DLEC1: variants seen among roughly 807,000 people sequenced by gnomAD.
DLEC1 encodes the protein DLEC1 cilia and flagella associated protein.
Under a neutral mutation model 198.1 loss-of-function variants are expected in DLEC1, and 146 were observed. The observed-to-expected ratio is 0.74, with a 90% CI of 0.64 to 0.85. The LOEUF is 0.85. DLEC1 is among the 40% of genes least tolerant of loss of function. DLEC1 has a pLI of 0.00. For missense variants in DLEC1, 2,233 were observed against 2,220.0 expected, an observed-to-expected ratio of 1.01 and a Z score of -0.12; for synonymous variants, 897 against 866.8, an observed-to-expected ratio of 1.03 and a Z score of -0.61.
In DLEC1 at chr3:38,096,722, G is replaced by A. The variant is rs764978132; in HGVS notation, c.2325G>A (p.Val775=). 1 of 1,609,682 alleles carries A rather than the reference G, an allele frequency of 6.2e-7. No homozygotes were observed. ...GGGAGAACTACATTGGGATAAATGT[G>A]AAGAAGGCTTTTAAGGTAGGTCATT... is the stretch of plus-strand genomic sequence containing the variant. ...IPGENYIGIN[V]KKAFKMWNNS... The change falls in exon 15 of 37, where the codon GTG becomes GTA. Residue 775 remains valine (V), a synonymous_variant. Transcript: ENST00000308059.
intron 15 of DLEC1, among the ~76,000 whole-genome samples, chr3:38,096,947 AAGTT>A (rs1175436841): frequency 6.6e-6 from 1 of 152,124 alleles, no homozygotes; most frequent in African/African-American, 2.4e-5. Flanking sequence ...AATCCTCTGA[AAGTT>A]AGGGCTATGG....
At chr3:38,091,194 G>C (rs2125686678) in intron 10 of DLEC1, among the ~76,000 whole-genome samples, 1 of 152,268 alleles carries the variant, frequency 6.6e-6, no homozygotes, top group African/African-American at 2.4e-5. Flanking sequence ...AGTGAAAATA[G>C]GGGCCAGGTG....
intron 2 of DLEC1, among the ~76,000 whole-genome samples, chr3:38,053,501 C>T (rs1476413951): frequency 6.7e-6 from 1 of 149,720 alleles, no homozygotes; most frequent in East Asian, 2.0e-4. Flanking sequence ...AAGTGAGGAG[C>T]CCCTCCGCCC....
intron 18 of DLEC1, among the ~76,000 whole-genome samples, chr3:38,100,021 G>A (rs921647613): frequency 2.6e-5 from 4 of 152,116 alleles, no homozygotes; most frequent in South Asian, 2.1e-4. Flanking sequence ...ACCTCCCTCC[G>A]CCTTCTATCT....
At chr3:38,069,561 T>C (rs1287504349) in intron 6 of DLEC1, among the ~76,000 whole-genome samples, 1 of 152,154 alleles carries the variant, frequency 6.6e-6, no homozygotes, top group East Asian at 1.9e-4. Flanking sequence ...ACAGCAGGCC[T>C]TGAGTTGGCA....
intron 6 of DLEC1, among the ~76,000 whole-genome samples, chr3:38,064,613 C>T (rs938045795): frequency 7.5e-5 from 11 of 146,912 alleles, no homozygotes; most frequent in Admixed American, 1.3e-4. Context: ...CACCACCTCC[C>T]GGGAAGGGCG....
chr3:38,098,673 G>A (rs376529418), intron 18 of DLEC1, among the ~76,000 whole-genome samples: 1 of 151,712 alleles, frequency 6.6e-6, no homozygotes, highest in Admixed American at 6.6e-5. Context: ...TCAGAACACC[G>A]CACACTTTTC....
intron 34 of DLEC1, 118 bp downstream of exon 34, chr3:38,120,727 T>C: frequency 7.4e-7 from 1 of 1,358,968 alleles, no homozygotes; most frequent in South Asian, 1.4e-5. Context: ...CCCCTGCCCC[T>C]GTCCTGGGGC....
rs201922065 is a variant in DLEC1, at chr3:38,121,655, G to A, written c.4894G>A (p.Val1632Met). ...GGTGCCCCTGCGGGCTGTGGTGGCC[G>A]TGCCTGAGCTGCAGCTCTCCACCAG... ...QVVPLRAVVA[V>M]PELQLSTSWV... Residue 1632 changes from valine (V) to methionine (M), a missense_variant, in exon 35 of 37, where the codon GTG becomes ATG. By Grantham distance (21) the Val-to-Met change is conservative (BLOSUM62 1). Coordinates refer to ENST00000308059, the MANE Select transcript of DLEC1 (RefSeq NM_007335.4). 7.9e-5 allele frequency: 127 copies of A among 1,613,934 alleles called. No individual in the cohort carries two copies. The highest frequency in any genetic ancestry group is 9.7e-5 in the Non-Finnish European group (115 of 1,179,946).
At chr3:38,074,150 A>G (rs961190391) in intron 6 of DLEC1, among the ~76,000 whole-genome samples, 2 of 152,356 alleles carry the variant, frequency 1.3e-5, no homozygotes, top group Admixed American at 1.3e-4. Flanking sequence ...GAAGTCTTGT[A>G]GGAATGCTTG....
At chr3:38,118,122 C>A in intron 33 of DLEC1, 98 bp downstream of exon 33, 1 of 1,357,388 alleles carries the variant, frequency 7.4e-7, no homozygotes, top group Non-Finnish European at 1.0e-6. Context: ...TGTACCCAGA[C>A]GCAAACTGCA....
chr3:38,112,419 C>T lies in DLEC1; in HGVS notation c.3666+58C>T, dbSNP rs1163882804. On this transcript the variant is annotated intron_variant, in intron 25 of 36. Transcript: ENST00000308059. The surrounding 1 kb of genome is among the most constrained non-coding windows in gnomAD (Gnocchi z 4.8). ...GGTGGAGAGTCTGCCCAGCCCTCGC[C>T]TTCAGCCTCTCTCCCCTCCAACACC... The T allele has an allele frequency of 4.4e-6, 7 of 1,595,498 alleles. No homozygotes were observed. The Admixed American group carries it at 1.2e-4, about 27-fold the overall frequency.
chr3:38,070,442 G>GT (rs1360914599), intron 6 of DLEC1, among the ~76,000 whole-genome samples: 1 of 152,208 alleles, frequency 6.6e-6, no homozygotes, highest in African/African-American at 2.4e-5. Context: ...GGTTGAGGAG[G>GT]TACAGAGCAG....
intron 19 of DLEC1, among the ~76,000 whole-genome samples, chr3:38,101,116 C>A (rs1464820119): frequency 2.0e-5 from 3 of 152,160 alleles, no homozygotes; most frequent in Non-Finnish European, 2.9e-5. Context: ...TCATCCATAT[C>A]CCCTATCTCC....
chr3:38,065,763 G>A (rs1227786506), intron 6 of DLEC1, among the ~76,000 whole-genome samples: 1 of 151,958 alleles, frequency 6.6e-6, no homozygotes, highest in Non-Finnish European at 1.5e-5. Context: ...ATCTTCATTT[G>A]TTTTAAAAAA....
chr3:38,079,569 G>C (rs1218471326), intron 6 of DLEC1, among the ~76,000 whole-genome samples: 6 of 152,252 alleles, frequency 3.9e-5, no homozygotes, highest in Admixed American at 6.5e-5. Flanking sequence ...ACCTGGGAAG[G>C]AGTCAGTCAG....
chr3:38,065,767 TA>T (rs991030860), intron 6 of DLEC1, among the ~76,000 whole-genome samples: 7 of 152,092 alleles, frequency 4.6e-5, no homozygotes, highest in Admixed American at 1.3e-4. Flanking sequence ...TCATTTGTTT[TA>T]AAAAAAAGTC....
rs754911372 is a variant in DLEC1, at chr3:38,116,500, C to T, written c.3904C>T (p.Arg1302Trp). 1.3e-5 allele frequency: 21 copies of T among 1,613,972 alleles called. No homozygotes were observed. The highest frequency in any genetic ancestry group is 6.7e-5 in the African/African-American group (5 of 74,880). Residue 1302 changes from arginine to tryptophan, a missense_variant, in exon 28 of 37, where the codon CGG becomes TGG. Physicochemically the swap from Arg to Trp is moderately radical, Grantham distance 101. Transcript: ENST00000308059. ...ETYVPEDKED[R>W]LVELLVFYGP... ...CTATGTTCCAGAAGACAAGGAAGAC[C>T]GGCTGGTGGAGCTGCTGGTGTTTTA...
chr3:38,093,299 T>TCCTC (rs1273400885), intron 11 of DLEC1, among the ~76,000 whole-genome samples: 2 of 150,966 alleles, frequency 1.3e-5, no homozygotes, highest in Non-Finnish European at 3.0e-5. Flanking sequence ...CTCCCTCTCT[T>TCCTC]CCTCCCTCCC....
Sources: allele counts gnomAD v4.1 joint callset (sites outside exome capture counted in the v4.1 genomes callset), GRCh38; gene constraint gnomAD v4.1.1; non-coding constraint Gnocchi (gnomAD v3.1); transcripts MANE v1.5; gene names NCBI Gene and HGNC (gene_info 2026-07-23, HGNC 2026-07-21).